Variants in TAMM41 observed in about 807,000 individuals in gnomAD.
TAMM41 encodes the protein TAM41 mitochondrial translocator assembly and maintenance homolog.
In TAMM41, 36 loss-of-function variants were observed where a neutral mutation model predicts 44.1. That is an observed-to-expected ratio of 0.82 (90% CI 0.63 to 1.08). The LOEUF (loss-of-function observed/expected upper bound fraction) is 1.08, where lower values mean the gene tolerates loss of function less well. Ranked by LOEUF, TAMM41 falls within the 50% of genes least tolerant of loss-of-function variation. The probability of loss-of-function intolerance (pLI) is 0.00; values close to 1 mark genes in which losing one functional copy is unlikely to be tolerated. For synonymous variants in TAMM41, 164 were observed against 153.1 expected (o/e 1.07, Z -0.53); for missense variants, 417 against 404.3 (o/e 1.03, Z -0.27).
At chr3:11,760,850 C>T in the TAMM41 span, among the ~76,000 whole-genome samples, 1 of 152,000 alleles carries the variant, frequency 6.6e-6, no homozygotes, top group African/African-American at 2.4e-5. Flanking sequence ...TGTGAACCAC[C>T]ACGCTCGACC....
At chr3:11,741,599 G>T in the TAMM41 span, among the ~76,000 whole-genome samples, 7 of 150,350 alleles carry the variant, frequency 4.7e-5, no homozygotes, top group South Asian at 1.5e-3. Context: ...AACTTTTGCG[G>T]TTTGAAGTGC....
At chr3:11,839,957 T>C (rs1013715031) in intron 2 of TAMM41, among the ~76,000 whole-genome samples, 7 of 152,152 alleles carry the variant, frequency 4.6e-5, no homozygotes, top group South Asian at 2.1e-4. Flanking sequence ...TTCAGACTTT[T>C]GCATTCCAGC....
At chr3:11,753,509 G>T in the TAMM41 span, among the ~76,000 whole-genome samples, 1 of 151,966 alleles carries the variant, frequency 6.6e-6, no homozygotes, top group Non-Finnish European at 1.5e-5. Context: ...TGGATCACAA[G>T]GTCAGGAGAT....
At chr3:11,843,160 T>C (rs2079526208) in intron 2 of TAMM41, among the ~76,000 whole-genome samples, 1 of 152,194 alleles carries the variant, frequency 6.6e-6, no homozygotes. Flanking sequence ...TCCAACTTCT[T>C]CCTGGGGGTG....
chr3:11,732,352 CTTCT>C, the TAMM41 span, among the ~76,000 whole-genome samples: 6 of 151,422 alleles, frequency 4.0e-5, no homozygotes, highest in Non-Finnish European at 7.4e-5. Context: ...GCCTTCCTTC[CTTCT>C]GTCTAGAGCA....
the TAMM41 span, among the ~76,000 whole-genome samples, chr3:11,734,204 G>A: frequency 2.0e-5 from 3 of 152,156 alleles, no homozygotes; most frequent in Admixed American, 6.6e-5. Context: ...GGAGGAATGC[G>A]AGGCACCCGG....
At chr3:11,845,103 T>C in intron 1 of TAMM41, 1 of 416,474 alleles carries the variant, frequency 2.4e-6, no homozygotes, top group Non-Finnish European at 4.8e-6. Context: ...ATGACTGAAA[T>C]AGAACACATT....
chr3:11,729,539 ATTTTTTTTTTTTTTT>A, the TAMM41 span, among the ~76,000 whole-genome samples: 54 of 32,286 alleles, frequency 1.7e-3, no homozygotes, highest in South Asian at 4.2e-3. Flanking sequence ...TCTTTCTTTC[ATTTTTTTTTTTTTTT>A]TTTTTTTTTT....
At chr3:11,767,772 T>C in the TAMM41 span, among the ~76,000 whole-genome samples, 1 of 151,404 alleles carries the variant, frequency 6.6e-6, no homozygotes, top group South Asian at 2.1e-4. Flanking sequence ...ATTACAGGCA[T>C]GTGCCACCAC....
the TAMM41 span, among the ~76,000 whole-genome samples, chr3:11,732,906 C>T: frequency 6.6e-6 from 1 of 151,820 alleles, no homozygotes; most frequent in South Asian, 2.1e-4. Flanking sequence ...AGTGGTCTGG[C>T]TGTGGTAAGG....
the TAMM41 span, among the ~76,000 whole-genome samples, chr3:11,751,127 T>C: frequency 4.7e-5 from 7 of 147,904 alleles, no homozygotes. Context: ...AGTCTCACTC[T>C]ATTGCCCAGG....
chr3:11,744,805 T>C, the TAMM41 span, among the ~76,000 whole-genome samples: 20 of 152,058 alleles, frequency 1.3e-4, 1 homozygote, highest in South Asian at 6.2e-4. Context: ...GGCAAGAGGA[T>C]TCCTTGAGCC....
intron 7 of TAMM41, among the ~76,000 whole-genome samples, chr3:11,793,079 A>G (rs1335257652): frequency 1.3e-5 from 2 of 150,416 alleles, no homozygotes; most frequent in African/African-American, 4.9e-5. Flanking sequence ...AAAAAAAAAA[A>G]AAAAAGAGAG....
chr3:11,729,595 C>G, the TAMM41 span, among the ~76,000 whole-genome samples: 1 of 115,980 alleles, frequency 8.6e-6, no homozygotes, highest in Non-Finnish European at 1.6e-5. Flanking sequence ...GAGTCTCACT[C>G]CGTTGCCCAG....
chr3:11,841,599 A>G (rs1396383267), intron 2 of TAMM41, among the ~76,000 whole-genome samples: 2 of 152,222 alleles, frequency 1.3e-5, no homozygotes, highest in African/African-American at 2.4e-5. Flanking sequence ...GGTTACTGGA[A>G]CTTATAATAT....
chr3:11,727,979 A>C, the TAMM41 span, among the ~76,000 whole-genome samples: 1 of 150,222 alleles, frequency 6.7e-6, no homozygotes, highest in African/African-American at 2.5e-5. Context: ...TAGAGACAAG[A>C]TTTCTCCATG....
the TAMM41 span, among the ~76,000 whole-genome samples, chr3:11,752,664 G>A: frequency 1.3e-5 from 1 of 78,914 alleles, no homozygotes; most frequent in African/African-American, 4.5e-5. Flanking sequence ...TTGAGACAGG[G>A]TCTTGCTCTC....
chr3:11,845,538 G>C (rs896330460), intron 1 of TAMM41, among the ~76,000 whole-genome samples: 1 of 152,080 alleles, frequency 6.6e-6, no homozygotes, highest in African/African-American at 2.4e-5. Context: ...GAATAAACAT[G>C]TTTTTTAAAA....
At chr3:11,741,679 A>G in the TAMM41 span, among the ~76,000 whole-genome samples, 1 of 150,224 alleles carries the variant, frequency 6.7e-6, no homozygotes, top group Admixed American at 6.6e-5. Context: ...TGTTTTTACC[A>G]TAGATCTTGG....
Sources: gnomAD v4.1 joint callset for allele counts (sites outside exome capture counted in the v4.1 genomes callset) on GRCh38, gnomAD v4.1.1 for gene constraint, MANE v1.5 for transcripts, NCBI Gene and HGNC (gene_info 2026-07-23, HGNC 2026-07-21) for gene names.